Variants in SLC2A5 observed in about 807,000 individuals in gnomAD.
The protein encoded by SLC2A5 is solute carrier family 2, facilitated glucose transporter member 5.
In SLC2A5, 56 loss-of-function variants were observed where a neutral mutation model predicts 50.3. That is an observed-to-expected ratio of 1.11 (90% CI 0.90 to 1.39). The LOEUF is 1.39. SLC2A5 is among the 40% of genes most tolerant of loss of function. The probability of loss-of-function intolerance (pLI) is 0.00; values close to 1 mark genes in which losing one functional copy is unlikely to be tolerated. For synonymous variants in SLC2A5, 269 were observed against 281.9 expected, an observed-to-expected ratio of 0.95 and a Z score of 0.46; for missense variants, 566 against 650.1, an observed-to-expected ratio of 0.87 and a Z score of 1.41.
intron 1 of SLC2A5, among the ~76,000 whole-genome samples, chr1:9,061,979 C>T (rs1641956683): frequency 6.6e-6 from 1 of 152,214 alleles, no homozygotes; most frequent in Non-Finnish European, 1.5e-5. Context: ...ATTCAATTCA[C>T]CCTCCATTCT....
chr1:9,059,562 A>AGAGACTTGC (rs58799445), intron 1 of SLC2A5, among the ~76,000 whole-genome samples: 2 of 94,694 alleles, frequency 2.1e-5, no homozygotes, highest in African/African-American at 4.8e-5. Flanking sequence ...TTTCTGAGAC[A>AGAGACTTGC]TTTCTTGCCC....
At chr1:9,046,664 T>TCG (rs1174236637) in intron 4 of SLC2A5, among the ~76,000 whole-genome samples, 7 of 116,060 alleles carry the variant, frequency 6.0e-5, no homozygotes, top group African/African-American at 2.4e-4. Flanking sequence ...AACCTGGTTC[T>TCG]CGTGTGTGTG....
intron 2 of SLC2A5, among the ~76,000 whole-genome samples, chr1:9,081,987 C>A (rs1015671145): frequency 5.3e-5 from 8 of 152,094 alleles, no homozygotes; most frequent in Non-Finnish European, 1.2e-4. Flanking sequence ...GAGGCCAAGG[C>A]ACGAGAATTG....
At chr1:9,079,846 T>A (rs537489570) in intron 2 of SLC2A5, among the ~76,000 whole-genome samples, 3 of 152,208 alleles carry the variant, frequency 2.0e-5, no homozygotes, top group East Asian at 1.9e-4. Context: ...TGTACATTTT[T>A]AAATAAATGT....
At chr1:9,058,750 C>T (rs1046238815) in intron 1 of SLC2A5, among the ~76,000 whole-genome samples, 5 of 147,436 alleles carry the variant, frequency 3.4e-5, no homozygotes, top group Non-Finnish European at 6.0e-5. Context: ...ACATAAACTC[C>T]CAGAAAATCA....
At chr1:9,067,300 C>T (rs1270696526) in intron 1 of SLC2A5, among the ~76,000 whole-genome samples, 3 of 152,248 alleles carry the variant, frequency 2.0e-5, no homozygotes, top group African/African-American at 4.8e-5. Context: ...AGCCCATCCC[C>T]ACCTTCATCC....
At chr1:9,087,815 C>G (rs564598599) in intron 1 of SLC2A5, among the ~76,000 whole-genome samples, 81 of 152,296 alleles carry the variant, frequency 5.3e-4, no homozygotes, top group African/African-American at 1.8e-3. Context: ...GTATTTCGCT[C>G]TCTAGCACTT....
At chr1:9,059,478 C>T (rs1157945086) in intron 1 of SLC2A5, among the ~76,000 whole-genome samples, 5 of 151,002 alleles carry the variant, frequency 3.3e-5, no homozygotes, top group Non-Finnish European at 7.4e-5. Flanking sequence ...CAGGTTCATG[C>T]TTGGCCCTCC....
At chr1:9,067,393 T>C (rs1157202026) in intron 1 of SLC2A5, among the ~76,000 whole-genome samples, 1 of 152,232 alleles carries the variant, frequency 6.6e-6, no homozygotes, top group Non-Finnish European at 1.5e-5. Context: ...CATGTGGCCA[T>C]CTGAATCATT....
At chr1:9,053,287 G>A (rs28748048) in intron 3 of SLC2A5, among the ~76,000 whole-genome samples, 47 of 3,888 alleles carry the variant, frequency 0.012, 3 homozygotes, top group South Asian at 0.02. Flanking sequence ...TTTATATATT[G>A]TATATTTATA....
At chr1:9,081,022 C>A (rs905846782) in intron 2 of SLC2A5, among the ~76,000 whole-genome samples, 1 of 152,054 alleles carries the variant, frequency 6.6e-6, no homozygotes, top group Non-Finnish European at 1.5e-5. Context: ...GCAAATCACT[C>A]GAGCTCAGGA....
In SLC2A5 at chr1:9,037,237, A is replaced by G. The variant is rs540356096; in HGVS notation, c.*349T>C. On this transcript the variant is annotated 3_prime_UTR_variant, in exon 12 of 12. Coordinates refer to ENST00000377424, the MANE Select transcript of SLC2A5 (RefSeq NM_003039.3). ...ATTTGATTCCTTCCATCTCACCACT[A>G]TAGTAACTGTTGTTGTTATGTTACC... is the stretch of plus-strand genomic sequence containing the variant. The G allele has an allele frequency of 1.9e-4, 54 of 287,920 alleles. No homozygotes were observed. The highest frequency in any genetic ancestry group is 1.5e-4 in the Non-Finnish European group (22 of 148,694). The allele number at this position is 287,920 out of a possible 1,614,324, so 17.8% of individuals were successfully genotyped here.
chr1:9,091,238 A>T (rs1001810480), upstream of SLC2A5, among the ~76,000 whole-genome samples: 1 of 152,186 alleles, frequency 6.6e-6, no homozygotes, highest in African/African-American at 2.4e-5. Flanking sequence ...CACCTAAAAC[A>T]TGCCTTATTA....
chr1:9,058,133 G>A lies in SLC2A5; in HGVS notation c.132+19C>T. On this transcript the variant is annotated intron_variant, in intron 2 of 11. Transcript: ENST00000377424. ...GCTCCAAACGTCCTCCCCACATCTT[G>A]CTCACCACAGTGACCTACCAGTGCT... 6.3e-7 allele frequency: 1 copy of A among 1,584,884 alleles called. No individual in the cohort carries two copies.
In SLC2A5 at chr1:9,039,618, C is replaced by A. The variant is rs778387531; in HGVS notation, c.930G>T (p.Pro310=). The stretch of plus-strand genomic sequence containing the variant: ...CCGTCACGTACTGCACGTGCTCCTC[C>A]GGCACGCCGGCGCTCAGGTAGATCT... ...ADQIYLSAGV[P]EEHVQYVTAG... is the part of the protein sequence containing the mutation. Residue 310 remains proline, a synonymous_variant, in exon 8 of 12, where the codon CCG becomes CCT. Coordinates refer to ENST00000377424, the MANE Select transcript of SLC2A5 (RefSeq NM_003039.3). 3 of 1,568,112 alleles carry A rather than the reference C, an allele frequency of 1.9e-6. No homozygotes were observed. The highest frequency in any genetic ancestry group is 1.7e-4 in the Middle Eastern group (1 of 6,012).
upstream of SLC2A5, among the ~76,000 whole-genome samples, chr1:9,089,273 C>G (rs139503236): frequency 0.018 from 2,804 of 152,244 alleles, 27 homozygotes; most frequent in Non-Finnish European, 0.028. Flanking sequence ...TTATGAAAAA[C>G]TTAGAGAAAT....
intron 4 of SLC2A5, among the ~76,000 whole-genome samples, chr1:9,046,568 G>A (rs934386213): frequency 6.6e-6 from 1 of 151,992 alleles, no homozygotes; most frequent in Non-Finnish European, 1.5e-5. Context: ...CACCTTTCTG[G>A]TAGTGGAATT....
Position 9,069,487 on chromosome 1 carries a change from C to T in SLC2A5, c.33+17G>A. 1 of 1,613,722 alleles carries T rather than the reference C, an allele frequency of 6.2e-7. No homozygotes were observed. Among genetic ancestry groups the T allele is most frequent in the Non-Finnish European group, 8.5e-7 (1 of 1,179,860 alleles). Reference sequence around the variant, plus strand: ...CCAAGCCTGCTCTTGGCCCCTTTCCCTGAGCAACACACTCACCCCTTCCTT... The same window carrying T: ...CCAAGCCTGCTCTTGGCCCCTTTCCTTGAGCAACACACTCACCCCTTCCTT... On this transcript the variant is annotated intron_variant, in intron 1 of 11. Transcript: ENST00000377424.
intron 1 of SLC2A5, among the ~76,000 whole-genome samples, chr1:9,063,942 G>A (rs556031855): frequency 5.4e-5 from 7 of 130,838 alleles, no homozygotes; most frequent in East Asian, 2.1e-4. Flanking sequence ...TGATCCGCCC[G>A]CCTCGGCCTC....
Sources: gnomAD v4.1 joint callset for allele counts (sites outside exome capture counted in the v4.1 genomes callset) on GRCh38, gnomAD v4.1.1 for gene constraint, MANE v1.5 for transcripts, NCBI Gene and HGNC (gene_info 2026-07-23, HGNC 2026-07-21) for gene names.